ARHGAP15: variants seen among roughly 807,000 people sequenced by gnomAD.
ARHGAP15 encodes Rho GTPase activating protein 15, also known as rho GTPase-activating protein 15.
Under a neutral mutation model 63.7 loss-of-function variants are expected in ARHGAP15, and 51 were observed. That is an observed-to-expected ratio of 0.80 (90% CI 0.64 to 1.01). ARHGAP15 has a LOEUF of 1.01. ARHGAP15 is among the 50% of genes least tolerant of loss of function. The pLI, the probability that ARHGAP15 is intolerant of heterozygous loss-of-function variation, is 0.00. For synonymous variants in ARHGAP15, 191 were observed against 193.8 expected, an observed-to-expected ratio of 0.99 and a Z score of 0.12; for missense variants, 560 against 564.6, an observed-to-expected ratio of 0.99 and a Z score of 0.08.
At chr2:143,540,516 G>A (rs938395726) in intron 10 of ARHGAP15, among the ~76,000 whole-genome samples, 16 of 152,062 alleles carry the variant, frequency 1.1e-4, no homozygotes, top group African/African-American at 2.7e-4. Flanking sequence ...GGGTGGTACC[G>A]GTTGTTTCTT....
chr2:143,455,893 G>A (rs1293181743), intron 8 of ARHGAP15, among the ~76,000 whole-genome samples: 1 of 151,684 alleles, frequency 6.6e-6, no homozygotes, highest in African/African-American at 2.4e-5. Context: ...AAATGGTCTG[G>A]AGGCTGACAT....
At chr2:143,552,435 C>T (rs1481735337) in intron 10 of ARHGAP15, among the ~76,000 whole-genome samples, 1 of 152,036 alleles carries the variant, frequency 6.6e-6, no homozygotes, top group Non-Finnish European at 1.5e-5. Context: ...TGCAAAGTGT[C>T]TAAGATTTAT....
intron 5 of ARHGAP15, among the ~76,000 whole-genome samples, chr2:143,231,804 T>A (rs1574125904): frequency 6.6e-6 from 1 of 152,170 alleles, no homozygotes; most frequent in Non-Finnish European, 1.5e-5. Flanking sequence ...TCTGCTGAGG[T>A]CCTGCTTCCT....
At chr2:143,515,053 G>T (rs771082665) in intron 9 of ARHGAP15, among the ~76,000 whole-genome samples, 1 of 152,118 alleles carries the variant, frequency 6.6e-6, no homozygotes, top group Non-Finnish European at 1.5e-5. Flanking sequence ...ATTCAGAGAA[G>T]ACAAGAAGGA....
At chr2:143,156,345 C>T (rs1032282710) in intron 2 of ARHGAP15, among the ~76,000 whole-genome samples, 3 of 151,850 alleles carry the variant, frequency 2.0e-5, no homozygotes, top group Non-Finnish European at 4.4e-5. Flanking sequence ...TGGTAACTTG[C>T]AGCTGAGGCC....
At chr2:143,717,867 T>TA (rs1277532042) in intron 13 of ARHGAP15, among the ~76,000 whole-genome samples, 1 of 151,614 alleles carries the variant, frequency 6.6e-6, no homozygotes, top group Non-Finnish European at 1.5e-5. Flanking sequence ...TTTTTTTTTT[T>TA]ACCTGTTAAT....
chr2:143,458,942 AT>A (rs1022911282), intron 8 of ARHGAP15, among the ~76,000 whole-genome samples: 2 of 151,852 alleles, frequency 1.3e-5, no homozygotes, highest in African/African-American at 4.8e-5. Flanking sequence ...CATGATACTA[AT>A]TTTTTTTCTT....
At position 143,526,923 on chromosome 2, in the gene ARHGAP15, T is replaced by C. The variant is rs1210273261; in HGVS notation, c.925+7559T>C. 2.0e-5 allele frequency among the ~76,000 whole-genome samples: 3 copies of C among 152,178 alleles called. No individual in the cohort carries two copies. The East Asian group carries it at 5.8e-4, about 29-fold the overall frequency. ...TTCACAACAGTGTCACTCTGTTTTATGAAATAATTTGTTGTTTACTGGTAG... is the reference window on the plus strand; with the variant it reads ...TTCACAACAGTGTCACTCTGTTTTACGAAATAATTTGTTGTTTACTGGTAG... On this transcript the variant is annotated intron_variant, in intron 10 of 13. Transcript: ENST00000295095.
intron 12 of ARHGAP15, among the ~76,000 whole-genome samples, chr2:143,672,702 G>A (rs541416071): frequency 6.6e-6 from 1 of 152,284 alleles, no homozygotes; most frequent in South Asian, 2.1e-4. Flanking sequence ...TCACACTCTA[G>A]TTTGAGAATA....
At chr2:143,749,165 A>T (rs1574924655) in intron 13 of ARHGAP15, among the ~76,000 whole-genome samples, 1 of 152,318 alleles carries the variant, frequency 6.6e-6, no homozygotes, top group East Asian at 1.9e-4. Flanking sequence ...GTAAAAAATA[A>T]GTACCACACT....
chr2:143,227,614 A>T (rs532209622), intron 4 of ARHGAP15, among the ~76,000 whole-genome samples: 1 of 152,326 alleles, frequency 6.6e-6, no homozygotes, highest in South Asian at 2.1e-4. Context: ...TCCTAGGTAA[A>T]TAGCACAGCA....
intron 13 of ARHGAP15, among the ~76,000 whole-genome samples, chr2:143,742,307 C>T (rs978958935): frequency 2.0e-5 from 3 of 152,220 alleles, no homozygotes; most frequent in Non-Finnish European, 4.4e-5. Context: ...TAGGGTGAGA[C>T]ATTTCCCACG....
chr2:143,624,035 G>C, intron 11 of ARHGAP15, 98 bp from the exon 12 acceptor site: 1 of 1,443,804 alleles, frequency 6.9e-7, no homozygotes, highest in African/African-American at 1.4e-5. Flanking sequence ...GGCTGTTAAC[G>C]GTTGCTGATG....
At chr2:143,313,735 C>T (rs1045972232) in intron 6 of ARHGAP15, among the ~76,000 whole-genome samples, 18 of 152,108 alleles carry the variant, frequency 1.2e-4, no homozygotes, top group African/African-American at 4.1e-4. Context: ...AATTGCTGTT[C>T]AGCTTTGTAT....
chr2:143,464,986 A>G (rs1691132036), intron 8 of ARHGAP15, among the ~76,000 whole-genome samples: 1 of 152,170 alleles, frequency 6.6e-6, no homozygotes, highest in African/African-American at 2.4e-5. Context: ...TTCTTTTAAA[A>G]TAGTTCCTCA....
chr2:143,136,243 A>C (rs1689133791), intron 1 of ARHGAP15, among the ~76,000 whole-genome samples: 1 of 151,966 alleles, frequency 6.6e-6, no homozygotes, highest in Admixed American at 6.6e-5. Context: ...CTTACTTTTC[A>C]TTATACTGTT....
At chr2:143,367,119 T>G (rs1410013067) in intron 6 of ARHGAP15, among the ~76,000 whole-genome samples, 2 of 152,076 alleles carry the variant, frequency 1.3e-5, no homozygotes, top group African/African-American at 4.8e-5. Context: ...GATTAGACAT[T>G]ACATAACAAT....
intron 10 of ARHGAP15, among the ~76,000 whole-genome samples, chr2:143,536,791 G>T (rs1322556821): frequency 1.3e-5 from 2 of 151,516 alleles, no homozygotes; most frequent in African/African-American, 4.9e-5. Flanking sequence ...CATTTGGGTT[G>T]GTTCCAAGTC....
chr2:143,210,157 A>C (rs2105130998), intron 3 of ARHGAP15, among the ~76,000 whole-genome samples: 1 of 152,266 alleles, frequency 6.6e-6, no homozygotes, highest in South Asian at 2.1e-4. Flanking sequence ...CAAAGACACA[A>C]ATAAATAGAA....
Sources: allele counts gnomAD v4.1 joint callset (sites outside exome capture counted in the v4.1 genomes callset), GRCh38; gene constraint gnomAD v4.1.1; transcripts MANE v1.5; gene names NCBI Gene and HGNC (gene_info 2026-07-23, HGNC 2026-07-21).